Variants in GRID2IP observed in about 807,000 individuals in gnomAD.
GRID2IP encodes delphilin.
GRID2IP carries 78 observed loss-of-function variants against 114.3 expected under a neutral mutation model. That is an observed-to-expected ratio of 0.68 (90% CI 0.57 to 0.82). The LOEUF is 0.82. Ranked by LOEUF, GRID2IP falls within the 40% of genes least tolerant of loss-of-function variation. The probability of loss-of-function intolerance (pLI) is 0.00; values close to 1 mark genes in which losing one functional copy is unlikely to be tolerated. For synonymous variants in GRID2IP, 809 were observed against 724.0 expected (o/e 1.12, Z -1.89); for missense variants, 1,727 against 1,678.5 (o/e 1.03, Z -0.51).
In GRID2IP at chr7:6,496,813, A is replaced by T. The variant is rs1038698118; in HGVS notation, c.*961T>A. On this transcript the variant is annotated 3_prime_UTR_variant, in exon 22 of 22. Coordinates refer to ENST00000457091, the MANE Select transcript of GRID2IP (RefSeq NM_001145118.2). ...AAGGATCTGTCAATCAGAGAATTTT[A>T]AAAAAGGTGAAACAGTTCACACACC... is the stretch of plus-strand genomic sequence containing the variant. 6.6e-6 allele frequency among the ~76,000 whole-genome samples: 1 copy of T among 151,618 alleles called. No homozygotes were observed. Among genetic ancestry groups the T allele is most frequent in the Non-Finnish European group, 1.5e-5 (1 of 67,970 alleles).
Position 6,507,379 on chromosome 7 carries a change from GA to G in GRID2IP, c.2544+605del, listed in dbSNP as rs796392882. ...AAACCATGTTCTAAGAGAATGATCTGAAAAAAAAAAAAAGGGGTGGGGTGAA... is the reference window on the plus strand; with the variant it reads ...AAACCATGTTCTAAGAGAATGATCTGAAAAAAAAAAAAGGGGTGGGGTGAA... On this transcript the variant is annotated intron_variant, in intron 13 of 21. Coordinates refer to ENST00000457091, the MANE Select transcript of GRID2IP (RefSeq NM_001145118.2). The surrounding 1 kb of genome is among the most constrained non-coding windows in gnomAD (Gnocchi z 5.3). 2.0e-3 allele frequency among the ~76,000 whole-genome samples: 285 copies of G among 139,554 alleles called. No homozygotes were observed. The highest frequency in any genetic ancestry group is 5.1e-3 in the South Asian group (22 of 4,356). The allele number at this position is 139,554 out of a possible 152,430, so 91.6% of individuals were successfully genotyped here.
chr7:6,508,361 T>C lies in GRID2IP; in HGVS notation c.2168A>G (p.Glu723Gly), dbSNP rs1487331471. The C allele has an allele frequency of 3.2e-6, 5 of 1,551,552 alleles. No homozygotes were observed. Among genetic ancestry groups the C allele is most frequent in the Non-Finnish European group, 4.4e-6 (5 of 1,147,054 alleles). The change falls in exon 13 of 22, where the codon GAG becomes GGG. Residue 723 changes from glutamate (E) to glycine (G), a missense_variant. Physicochemically the swap from Glu to Gly is moderately conservative, Grantham distance 98. Transcript: ENST00000457091. This position sits in a 1 kb window ranked among gnomAD's most constrained non-coding sequence, Gnocchi z 5.6. ...HDDQGSFVTN[E>G]RSSASDCISS... ...GATGCAGTCGCTGGCGCTGCTCCGC[T>C]CATTGGTTACGAAGCTGCCCTGGTC...
At chr7:6,503,247 G>GGGA in intron 16 of GRID2IP, 84 bp from the exon 17 acceptor site, 1 of 504,202 alleles carries the variant, frequency 2.0e-6, no homozygotes, top group Non-Finnish European at 3.6e-6. Flanking sequence ...GGGAGGGGGG[G>GGGA]ATCTGCTGGC....
chr7:6,508,516 G>A lies in GRID2IP; in HGVS notation c.2128-115C>T. On this transcript the variant is annotated intron_variant, in intron 12 of 21. Transcript: ENST00000457091. The surrounding 1 kb of genome is among the most constrained non-coding windows in gnomAD (Gnocchi z 5.6). The stretch of plus-strand genomic sequence containing the variant: ...GGACAAGGACAGGGCCATCTCACGG[G>A]TTAGCCTCAGGCTGTGAGGGACACC... 6.7e-7 allele frequency: 1 copy of A among 1,490,006 alleles called. No homozygotes were observed. Among genetic ancestry groups the A allele is most frequent in the Non-Finnish European group, 9.0e-7 (1 of 1,115,558 alleles). 92.3% of individuals were successfully genotyped at this position (1,490,006 alleles called of 1,614,324 possible).
intron 1 of GRID2IP, 102 bp downstream of exon 1, chr7:6,550,906 G>A (rs1392324973): frequency 2.6e-6 from 3 of 1,176,256 alleles, no homozygotes; most frequent in Non-Finnish European, 3.2e-6. Flanking sequence ...GACCCCAGAA[G>A]TTTCCTTACC....
chr7:6,497,708 T>G lies in GRID2IP; in HGVS notation c.*66A>C. The G allele has an allele frequency of 2.4e-6, 3 of 1,239,822 alleles. No homozygotes were observed. The highest frequency in any genetic ancestry group is 5.2e-5 in the East Asian group (2 of 38,706). 76.8% of individuals were successfully genotyped at this position (1,239,822 alleles called of 1,614,324 possible). On this transcript the variant is annotated 3_prime_UTR_variant, in exon 22 of 22. Transcript: ENST00000457091. Reference sequence around the variant, plus strand: ...GCACAGTGGCCCCGGACCTCGGCAGTGTCTGGGCTGCCCTCTCGGCCTCCA... The same window carrying G: ...GCACAGTGGCCCCGGACCTCGGCAGGGTCTGGGCTGCCCTCTCGGCCTCCA...
At chr7:6,511,194 G>A (rs1425067506) in intron 8 of GRID2IP, among the ~76,000 whole-genome samples, 155 bp from the exon 9 acceptor site, 2 of 152,150 alleles carry the variant, frequency 1.3e-5, no homozygotes, top group East Asian at 1.9e-4. Context: ...GCTCTTGAGG[G>A]GAAGCCCCAG....
At chr7:6,539,009 T>A (rs1779772888) in intron 2 of GRID2IP, among the ~76,000 whole-genome samples, 3 of 152,164 alleles carry the variant, frequency 2.0e-5, no homozygotes. Context: ...CATGGCACAG[T>A]CCTGGGCTTC....
At chr7:6,503,236 TGGGA>T in intron 16 of GRID2IP, 73 bp from the exon 17 acceptor site, 3 of 448,222 alleles carry the variant, frequency 6.7e-6, no homozygotes, top group Non-Finnish European at 1.2e-5. Flanking sequence ...GGCTTTGGGG[TGGGA>T]GGGGGGGATC....
intron 20 of GRID2IP, among the ~76,000 whole-genome samples, chr7:6,499,562 C>T (rs775949352): frequency 2.1e-4 from 32 of 152,286 alleles, no homozygotes; most frequent in Middle Eastern, 3.4e-3. Context: ...TTCTGAGTAG[C>T]TGGGATTACA....
intron 2 of GRID2IP, among the ~76,000 whole-genome samples, chr7:6,530,815 C>G (rs1187567615): frequency 6.6e-6 from 1 of 152,226 alleles, no homozygotes; most frequent in Non-Finnish European, 1.5e-5. Context: ...AGCCTTTTAT[C>G]CCAACACCGA....
intron 1 of GRID2IP, among the ~76,000 whole-genome samples, chr7:6,547,238 C>T (rs768849904): frequency 4.7e-4 from 71 of 152,124 alleles, no homozygotes; most frequent in Non-Finnish European, 6.9e-4. Context: ...GTAGTGCAAA[C>T]GCACTAAGTT....
chr7:6,550,711 C>G (rs1409990894), intron 1 of GRID2IP, among the ~76,000 whole-genome samples: 1 of 150,016 alleles, frequency 6.7e-6, no homozygotes. Flanking sequence ...CGCCTGTAAT[C>G]TCAATTACTG....
chr7:6,508,976 C>A lies in GRID2IP; in HGVS notation c.2109G>T (p.Pro703=). The A allele has an allele frequency of 6.5e-7, 1 of 1,547,666 alleles. No homozygotes were observed. The highest frequency in any genetic ancestry group is 8.7e-7 in the Non-Finnish European group (1 of 1,146,678). Residue 703 remains proline (P), a synonymous_variant, in exon 12 of 22, where the codon CCG becomes CCT. Coordinates refer to ENST00000457091, the MANE Select transcript of GRID2IP (RefSeq NM_001145118.2). The surrounding 1 kb of genome is among the most constrained non-coding windows in gnomAD (Gnocchi z 5.6). ...RVTIVDDFLT[P]ENDYEEMSFH... ...TGCCCACCTCCTCGTAGTCGTTCTC[C>A]GGGGTCAGGAAATCATCCACGATGG...
At position 6,503,059 on chromosome 7, in the gene GRID2IP, G is replaced by A; in HGVS notation, c.3012C>T (p.Arg1004=). The A allele has an allele frequency of 1.9e-6, 3 of 1,551,584 alleles. No homozygotes were observed. Among genetic ancestry groups the A allele is most frequent in the African/African-American group, 1.4e-5 (1 of 73,176 alleles). ...EEIRGSLECL[R]QASLELKNSR... ...TGTTTTTGAGCTCCAGGGAGGCCTG[G>A]CGCAAGCATTCAAGGCTGCCTCGGA... The change falls in exon 17 of 22, where the codon CGC becomes CGT. Residue 1004 remains arginine (R), a synonymous_variant. Coordinates refer to ENST00000457091, the MANE Select transcript of GRID2IP (RefSeq NM_001145118.2).
At position 6,514,383 on chromosome 7, in the gene GRID2IP, G is replaced by A; in HGVS notation, c.1415C>T (p.Ala472Val). Residue 472 changes from alanine (A) to valine (V), a missense_variant, in exon 8 of 22, where the codon GCC (alanine) becomes GTC (valine). Ala to Val is a moderately conservative substitution (Grantham distance 64, BLOSUM62 0). Transcript: ENST00000457091. ...EKIACFLGYT[A>V]MTAEPEPELD... ...GGGGAGAGGACGCTTACCTGTCATG[G>A]CCGTGTAGCCCAGGAAGCATGCGAT... 1.3e-6 allele frequency: 2 copies of A among 1,521,326 alleles called. No homozygotes were observed. Among genetic ancestry groups the A allele is most frequent in the Non-Finnish European group, 8.9e-7 (1 of 1,128,416 alleles). 94.2% of individuals were successfully genotyped at this position (1,521,326 alleles called of 1,614,324 possible).
intron 2 of GRID2IP, chr7:6,530,957 G>A: frequency 1.8e-6 from 1 of 541,942 alleles, no homozygotes; most frequent in Non-Finnish European, 3.3e-6. Flanking sequence ...ACCCAGGGCA[G>A]GGAAGCCCCT....
At position 6,521,559 on chromosome 7, in the gene GRID2IP, G is replaced by C; in HGVS notation, c.990-36C>G. 2 of 1,470,510 alleles carry C rather than the reference G, an allele frequency of 1.4e-6. No homozygotes were observed. The highest frequency in any genetic ancestry group is 1.8e-6 in the Non-Finnish European group (2 of 1,087,920). 91.1% of individuals were successfully genotyped at this position (1,470,510 alleles called of 1,614,324 possible). A position where few individuals can be genotyped will look rare whatever the true frequency, so the allele number is the denominator to read the frequency against. ...GAGATGGCCCAGGAGGGCCTGACTG[G>C]GGTGAGCCCTGTCCACGGCCACCAG... On this transcript the variant is annotated intron_variant, in intron 5 of 21. Coordinates refer to ENST00000457091, the MANE Select transcript of GRID2IP (RefSeq NM_001145118.2). This position sits in a 1 kb window ranked among gnomAD's most constrained non-coding sequence, Gnocchi z 4.1.
Position 6,522,076 on chromosome 7 carries a change from A to G in GRID2IP, c.920-119T>C, listed in dbSNP as rs1779423543. The G allele has an allele frequency of 1.4e-5, 11 of 779,096 alleles. No individual in the cohort carries two copies. The Admixed American group carries it at 1.6e-4, about 11-fold the overall frequency. 48.3% of individuals were successfully genotyped at this position (779,096 alleles called of 1,614,324 possible). A position where few individuals can be genotyped will look rare whatever the true frequency, so the allele number is the denominator to read the frequency against. On this transcript the variant is annotated intron_variant, in intron 4 of 21. Coordinates refer to ENST00000457091, the MANE Select transcript of GRID2IP (RefSeq NM_001145118.2). ...CTCAGAGACCCATAGCTTGCCGGGC[A>G]TGGTGGCTCACACCTGTAACCTCAG... is the stretch of plus-strand genomic sequence containing the variant.
Sources: gnomAD v4.1 joint callset for allele counts (sites outside exome capture counted in the v4.1 genomes callset) on GRCh38, gnomAD v4.1.1 for gene constraint, Gnocchi (gnomAD v3.1) non-coding constraint, MANE v1.5 for transcripts, NCBI Gene and HGNC (gene_info 2026-07-23, HGNC 2026-07-21) for gene names.